Variants in UBE3A observed in about 807,000 individuals in gnomAD.
UBE3A encodes ubiquitin protein ligase E3A.
In UBE3A, 6 loss-of-function variants were observed where a neutral mutation model predicts 83.4. The ratio of observed to expected loss-of-function variants is 0.07; its 90% CI spans 0.04 to 0.14. UBE3A has a LOEUF of 0.14. Ranked by LOEUF, UBE3A falls within the 10% of genes least tolerant of loss-of-function variation. UBE3A has a pLI of 1.00. For synonymous variants in UBE3A, 337 were observed against 355.4 expected (o/e 0.95, Z 0.58); for missense variants, 456 against 1,036.1 (o/e 0.44, Z 7.69).
intron 12 of UBE3A, 95 bp from the exon 13 acceptor site, chr15:25,339,352 G>GC: frequency 2.7e-6 from 4 of 1,481,354 alleles, no homozygotes; most frequent in African/African-American, 1.4e-5. Context: ...GTATATAGTT[G>GC]AGACGGTCTG....
Position 25,409,089 on chromosome 15 carries a change from T to C in UBE3A, c.19A>G (p.Arg7Gly). 6.3e-7 allele frequency: 1 copy of C among 1,590,270 alleles called. No homozygotes were observed. Among genetic ancestry groups the C allele is most frequent in the Non-Finnish European group, 8.6e-7 (1 of 1,166,884 alleles). MATACK[R>G]SGEPQSDDIE... is the part of the protein sequence containing the mutation. ...GGCTGTAAAATAATTCAAAATTACC[T>C]TTTACAAGCTGTGGCCATTCGGTGA... is the stretch of plus-strand genomic sequence containing the variant. The change falls in exon 3 of 13, where the codon AGA becomes GGA. Residue 7 changes from arginine to glycine, a missense_variant and splice_region_variant. Coordinates refer to ENST00000648336, the MANE Select transcript of UBE3A (RefSeq NM_130839.5).
In UBE3A at chr15:25,371,106, T is replaced by C. The variant is rs2152821638; in HGVS notation, c.1068A>G (p.Arg356=). The C allele has an allele frequency of 1.2e-6, 2 of 1,614,162 alleles. No individual in the cohort carries two copies. The highest frequency in any genetic ancestry group is 1.7e-6 in the Non-Finnish European group (2 of 1,180,018). The change falls in exon 6 of 13, where the codon CGA becomes CGG. Residue 356 remains arginine (R), a synonymous_variant. Coordinates refer to ENST00000648336, the MANE Select transcript of UBE3A (RefSeq NM_130839.5). The surrounding 1 kb of genome is among the most constrained non-coding windows in gnomAD (Gnocchi z 5.3). ...TGGCATCATCATCATTCACTAGATT[T>C]CGACTGTTAAATTCATTGCTTATGA... ...YKVISNEFNS[R]NLVNDDDAIV...
In UBE3A at chr15:25,338,541, A is replaced by AT. The variant is rs1232279273; in HGVS notation, c.*595dup. On this transcript the variant is annotated 3_prime_UTR_variant, in exon 13 of 13. Transcript: ENST00000648336. ...CTTTCTTTATTGATTGATTCTCAAG[A>AT]TTTTGCACAGAAAACTCTTTGGGGG... is the stretch of plus-strand genomic sequence containing the variant. The AT allele has an allele frequency of 2.6e-5, 4 of 152,052 alleles. No homozygotes were observed. Among genetic ancestry groups the AT allele is most frequent in the Non-Finnish European group, 5.9e-5 (4 of 67,978 alleles). The allele number at this position is 152,052 out of a possible 1,614,324, so 9.4% of individuals were successfully genotyped here.
intron 7 of UBE3A, among the ~76,000 whole-genome samples, chr15:25,358,269 G>C (rs566479185): frequency 6.6e-6 from 1 of 152,140 alleles, no homozygotes; most frequent in East Asian, 1.9e-4. Context: ...CTACTTGAGA[G>C]GGTGATGCAT....
At chr15:25,412,891 C>A in intron 1 of UBE3A, 2 of 293,660 alleles carry the variant, frequency 6.8e-6, no homozygotes, top group South Asian at 5.7e-5. Context: ...ACTACTTGGG[C>A]TCTACTCGCA....
intron 4 of UBE3A, among the ~76,000 whole-genome samples, chr15:25,386,065 C>G (rs144595797): frequency 1.1e-3 from 161 of 151,682 alleles, no homozygotes; most frequent in African/African-American, 3.9e-3. Flanking sequence ...GTAGCAAAGC[C>G]AAAATGATGT....
intron 4 of UBE3A, among the ~76,000 whole-genome samples, chr15:25,378,333 G>A (rs2081572907): frequency 6.6e-6 from 1 of 152,126 alleles, no homozygotes; most frequent in South Asian, 2.1e-4. Flanking sequence ...TCATCCTTCT[G>A]TCCCTAAGCA....
At chr15:25,389,998 G>A (rs1199930916) in intron 4 of UBE3A, among the ~76,000 whole-genome samples, 3 of 152,070 alleles carry the variant, frequency 2.0e-5, no homozygotes, top group Non-Finnish European at 1.5e-5. Flanking sequence ...AACCTTAACA[G>A]ACACCTCACC....
chr15:25,408,550 AAT>A, intron 3 of UBE3A: 3 of 1,591,658 alleles, frequency 1.9e-6, no homozygotes, highest in Non-Finnish European at 2.6e-6. Flanking sequence ...AATCGCAGAA[AAT>A]ATGATCACAA....
At chr15:25,374,478 GACA>G (rs1212813015) in intron 5 of UBE3A, 10 of 152,306 alleles carry the variant, frequency 6.6e-5, no homozygotes, top group Admixed American at 5.9e-4. Flanking sequence ...TATATATACA[GACA>G]ACATTTACCT....
At chr15:25,340,568 A>T (rs896780422) in intron 11 of UBE3A, among the ~76,000 whole-genome samples, 1 of 152,174 alleles carries the variant, frequency 6.6e-6, no homozygotes, top group Non-Finnish European at 1.5e-5. Flanking sequence ...AATCCTATGA[A>T]TTGAAAAAGA....
chr15:25,407,175 A>G, intron 3 of UBE3A: 1 of 1,343,716 alleles, frequency 7.4e-7, no homozygotes, highest in Non-Finnish European at 9.8e-7. Flanking sequence ...CAGCTGACTC[A>G]TTTTTGAAAG....
At chr15:25,353,515 GA>G (rs535203551) in intron 11 of UBE3A, among the ~76,000 whole-genome samples, 1 of 151,814 alleles carries the variant, frequency 6.6e-6, no homozygotes, top group Non-Finnish European at 1.5e-5. Context: ...TCTTAGTTGA[GA>G]AAAAAAATCT....
chr15:25,397,331 A>G (rs2085809831), intron 4 of UBE3A, among the ~76,000 whole-genome samples: 1 of 152,174 alleles, frequency 6.6e-6, no homozygotes, highest in Admixed American at 6.5e-5. Flanking sequence ...CCAGAGTGTC[A>G]CCTGGAAACT....
chr15:25,377,670 G>A (rs1171039942), intron 4 of UBE3A, among the ~76,000 whole-genome samples: 2 of 151,992 alleles, frequency 1.3e-5, no homozygotes, highest in South Asian at 2.1e-4. Context: ...AACATGTATC[G>A]AAAGTCTTAA....
rs372321645 is a variant in UBE3A, at chr15:25,428,208, A to G, written c.-165+10281T>C. The stretch of plus-strand genomic sequence containing the variant: ...GTACACTTAAAAAAGATGGTAAATT[A>G]TGTATGTATATTTAACCTCAATACA... On this transcript the variant is annotated intron_variant, in intron 1 of 12. Transcript: ENST00000648336. Among the ~76,000 whole-genome samples, 16 of 152,318 alleles carry G rather than the reference A, an allele frequency of 1.1e-4. No homozygotes were observed. In the East Asian group the frequency reaches 2.9e-3, roughly 28 times the overall value.
chr15:25,377,208 C>T (rs1379159803), intron 4 of UBE3A, among the ~76,000 whole-genome samples: 2 of 152,112 alleles, frequency 1.3e-5, no homozygotes, highest in Non-Finnish European at 2.9e-5. Context: ...TGAAGAAACA[C>T]ACGAGATCCA....
intron 7 of UBE3A, among the ~76,000 whole-genome samples, chr15:25,358,269 G>A (rs566479185): frequency 6.6e-6 from 1 of 152,140 alleles, no homozygotes; most frequent in African/African-American, 2.4e-5. Flanking sequence ...CTACTTGAGA[G>A]GGTGATGCAT....
intron 1 of UBE3A, among the ~76,000 whole-genome samples, chr15:25,413,581 C>A (rs2090378255): frequency 6.6e-6 from 1 of 152,160 alleles, no homozygotes; most frequent in African/African-American, 2.4e-5. Flanking sequence ...GCAGTTAAGA[C>A]TTAAAAAGTT....
Sources: allele counts gnomAD v4.1 joint callset (sites outside exome capture counted in the v4.1 genomes callset), GRCh38; gene constraint gnomAD v4.1.1; non-coding constraint Gnocchi (gnomAD v3.1); transcripts MANE v1.5; gene names NCBI Gene and HGNC (gene_info 2026-07-23, HGNC 2026-07-21).